The following RELN variants were observed in gnomAD, a reference collection of about 807,000 sequenced individuals.
RELN encodes the protein reelin.
Under a neutral mutation model 427.6 loss-of-function variants are expected in RELN, and 108 were observed. The ratio of observed to expected loss-of-function variants is 0.25; its 90% confidence interval spans 0.22 to 0.30. The LOEUF is 0.30. Among genes scored for constraint, RELN ranks in the 10% least tolerant of loss-of-function variants. The probability of loss-of-function intolerance (pLI) is 1.00; values close to 1 mark genes in which losing one functional copy is unlikely to be tolerated. For synonymous variants in RELN, 1,524 were observed against 1,513.4 expected (o/e 1.01, Z -0.16); for missense variants, 3,715 against 4,302.8 (o/e 0.86, Z 3.82).
At chr7:103,833,704 A>C in intron 2 of RELN, 32 bp from the exon 3 acceptor site, 1 of 1,599,210 alleles carries the variant, frequency 6.3e-7, no homozygotes, top group Non-Finnish European at 8.6e-7. Context: ...TGTTACAAAG[A>C]CAACAAAACA....
Position 103,561,585 on chromosome 7 carries a change from C to T in RELN, c.5476G>A (p.Gly1826Arg), listed in dbSNP as rs1830642360. Reference sequence around the variant, plus strand: ...TTGATGGTTTCACCATTCAGATTCCCCCTCTCTGCACCATACACTTCAGGC... The same window carrying T: ...TTGATGGTTTCACCATTCAGATTCCTCCTCTCTGCACCATACACTTCAGGC... ...LWPEVYGAER[G>R]NLNGETIKSG... Residue 1826 changes from glycine to arginine, a missense_variant, in exon 36 of 65, where the codon GGG becomes AGG. Physicochemically the swap from Gly to Arg is moderately radical, Grantham distance 125. Coordinates refer to ENST00000428762, the MANE Select transcript of RELN (RefSeq NM_005045.4). 1.2e-6 allele frequency: 2 copies of T among 1,613,842 alleles called. No individual in the cohort carries two copies. The highest frequency in any genetic ancestry group is 1.1e-5 in the South Asian group (1 of 91,058).
At chr7:103,806,204 C>A (rs987362139) in intron 3 of RELN, among the ~76,000 whole-genome samples, 1 of 152,184 alleles carries the variant, frequency 6.6e-6, no homozygotes, top group African/African-American at 2.4e-5. Context: ...GAGCTAAACA[C>A]CAGATGACTG....
intron 10 of RELN, 33 bp downstream of exon 10, chr7:103,697,820 T>C (rs757491527): frequency 1.6e-5 from 26 of 1,613,132 alleles, no homozygotes; most frequent in Non-Finnish European, 2.0e-5. Context: ...GATGAAGGAT[T>C]AAAACAACCC....
chr7:103,648,411 G>A (rs1024564217), intron 16 of RELN, among the ~76,000 whole-genome samples: 6 of 152,206 alleles, frequency 3.9e-5, no homozygotes, highest in African/African-American at 9.6e-5. Context: ...ATGGAACTGT[G>A]AGACAACTAA....
intron 1 of RELN, among the ~76,000 whole-genome samples, chr7:103,929,188 T>C (rs999286713): frequency 1.3e-5 from 2 of 152,138 alleles, no homozygotes; most frequent in African/African-American, 2.4e-5. Flanking sequence ...GCAGTACTTA[T>C]CTGATCCATG....
At chr7:103,966,120 A>C (rs1217629941) in intron 1 of RELN, among the ~76,000 whole-genome samples, 1 of 152,230 alleles carries the variant, frequency 6.6e-6, no homozygotes, top group East Asian at 1.9e-4. Context: ...AAGTCACCAA[A>C]CTTCTAAATA....
chr7:103,612,012 C>T (rs1303001091), intron 20 of RELN, among the ~76,000 whole-genome samples: 2 of 152,158 alleles, frequency 1.3e-5, no homozygotes, highest in Non-Finnish European at 2.9e-5. Flanking sequence ...TTAACATCTA[C>T]AGTTGTCAAA....
chr7:103,885,986 T>C lies in RELN; in HGVS notation c.337+31089A>G, dbSNP rs79033176. Among the ~76,000 whole-genome samples, 601 of 152,254 alleles carry C rather than the reference T, an allele frequency of 3.9e-3. 23 individuals carry two copies. The East Asian group carries it at 0.072, about 18-fold the overall frequency. ...GTGATTATTTTAATCACCATTTTTC[T>C]CTTCCAAAAAGAAGTTATATTATTT... On this transcript the variant is annotated intron_variant, in intron 2 of 64. Transcript: ENST00000428762.
At chr7:103,842,259 T>TAA (rs889547579) in intron 2 of RELN, among the ~76,000 whole-genome samples, 3 of 133,994 alleles carry the variant, frequency 2.2e-5, no homozygotes, top group East Asian at 2.1e-4. Flanking sequence ...CATCAGTTAA[T>TAA]AAAAAAAAAA....
chr7:103,691,812 C>A (rs1193389404), intron 10 of RELN, among the ~76,000 whole-genome samples: 2 of 151,934 alleles, frequency 1.3e-5, no homozygotes, highest in Non-Finnish European at 2.9e-5. Flanking sequence ...GACTCTTTCT[C>A]AAAAAATAAC....
Position 103,575,660 on chromosome 7 carries a change from G to A in RELN, c.4191C>T (p.Asn1397=), listed in dbSNP as rs544646610. The change falls in exon 29 of 65, where the codon AAC becomes AAT. Residue 1397 remains asparagine (N), a synonymous_variant. Transcript: ENST00000428762. ...RWIQESSSQK[N]VPPFGLDGVY... ...CTCCATCTAAACCAAATGGAGGCAC[G>A]TTTTTCTGTGAGCTGCTCTCCTGGA... 45 of 1,614,100 alleles carry A rather than the reference G, an allele frequency of 2.8e-5. No homozygotes were observed. In the East Asian group the frequency reaches 7.4e-4, roughly 26 times the overall value.
chr7:103,518,152 A>C (rs2117082617), intron 49 of RELN, among the ~76,000 whole-genome samples: 1 of 152,112 alleles, frequency 6.6e-6, no homozygotes, highest in South Asian at 2.1e-4. Context: ...TTGGGGATGT[A>C]ATTTACATAG....
chr7:103,736,776 C>T (rs1392523927), intron 6 of RELN, among the ~76,000 whole-genome samples: 6 of 152,100 alleles, frequency 3.9e-5, no homozygotes, highest in Admixed American at 3.3e-4. Flanking sequence ...GTTTTTGCCA[C>T]CTAAAGCAGA....
chr7:103,639,553 C>A (rs1194660922), intron 17 of RELN, among the ~76,000 whole-genome samples: 3 of 151,884 alleles, frequency 2.0e-5, no homozygotes, highest in African/African-American at 7.3e-5. Context: ...ATGCACGCCA[C>A]CACGCCCGGC....
At chr7:103,568,234 G>A (rs1362066636) in intron 31 of RELN, among the ~76,000 whole-genome samples, 1 of 152,142 alleles carries the variant, frequency 6.6e-6, no homozygotes, top group South Asian at 2.1e-4. Context: ...TTACAATAAA[G>A]TGTAGTGCTA....
chr7:103,474,480 TC>T (rs1320575088), intron 64 of RELN, among the ~76,000 whole-genome samples: 1 of 152,040 alleles, frequency 6.6e-6, no homozygotes, highest in Non-Finnish European at 1.5e-5. Flanking sequence ...CCCCCTCCCA[TC>T]CCCTCCATGT....
At chr7:103,981,726 TCCA>T (rs1358181081) in intron 1 of RELN, among the ~76,000 whole-genome samples, 1 of 152,224 alleles carries the variant, frequency 6.6e-6, no homozygotes, top group African/African-American at 2.4e-5. Context: ...AAAGTTTTGT[TCCA>T]CCATCATTGG....
chr7:103,798,293 G>A (rs1338980366), intron 3 of RELN, among the ~76,000 whole-genome samples: 1 of 152,128 alleles, frequency 6.6e-6, no homozygotes, highest in Non-Finnish European at 1.5e-5. Context: ...GTCAAATCTA[G>A]GTTCAAATCT....
chr7:103,862,919 G>A (rs555833913), intron 2 of RELN, among the ~76,000 whole-genome samples: 1 of 152,236 alleles, frequency 6.6e-6, no homozygotes, highest in Admixed American at 6.6e-5. Flanking sequence ...GGATTACTTA[G>A]GGAGAGCCAC....
Sources: allele counts gnomAD v4.1 joint callset (sites outside exome capture counted in the v4.1 genomes callset), GRCh38; gene constraint gnomAD v4.1.1; transcripts MANE v1.5; gene names NCBI Gene and HGNC (gene_info 2026-07-23, HGNC 2026-07-21).